The following KCNMB2 variants were observed in gnomAD, a reference collection of about 807,000 sequenced individuals.
KCNMB2 encodes the protein potassium calcium-activated channel subfamily M regulatory beta subunit 2.
KCNMB2 carries 9 observed loss-of-function variants against 24.5 expected under a neutral mutation model. That is an observed-to-expected ratio of 0.37 (90% confidence interval 0.22 to 0.64). The LOEUF (loss-of-function observed/expected upper bound fraction) is 0.64, where lower values mean the gene tolerates loss of function less well. Among genes scored for constraint, KCNMB2 ranks in the 30% least tolerant of loss-of-function variants. KCNMB2 has a pLI of 0.63. For synonymous variants in KCNMB2, 109 were observed against 104.4 expected (o/e 1.04, Z -0.27); for missense variants, 226 against 284.3 (o/e 0.79, Z 1.47).
At chr3:178,712,853 C>A (rs932799768) in intron 1 of KCNMB2, among the ~76,000 whole-genome samples, 3 of 152,146 alleles carry the variant, frequency 2.0e-5, no homozygotes, top group African/African-American at 4.8e-5. Context: ...ATTCTGTGAA[C>A]TTCGTAACAC....
At chr3:178,616,530 T>C (rs142533189) in intron 1 of KCNMB2, among the ~76,000 whole-genome samples, 69 of 152,346 alleles carry the variant, frequency 4.5e-4, no homozygotes, top group African/African-American at 1.6e-3. Flanking sequence ...ACCAAGCTGC[T>C]GCTGCCTGGG....
chr3:178,584,491 T>C (rs967171848), intron 1 of KCNMB2, among the ~76,000 whole-genome samples: 9 of 147,482 alleles, frequency 6.1e-5, no homozygotes, highest in African/African-American at 1.5e-4. Flanking sequence ...CACAGAGCTG[T>C]TGTGAAAAGT....
intron 2 of KCNMB2, 118 bp downstream of exon 2, chr3:178,807,583 C>A: frequency 1.2e-6 from 1 of 815,898 alleles, no homozygotes; most frequent in Non-Finnish European, 2.1e-6. Context: ...TGGGGACAGA[C>A]TCTACAGTAC....
chr3:178,780,053 T>TTA (rs1163492683), intron 1 of KCNMB2, among the ~76,000 whole-genome samples: 34 of 134,022 alleles, frequency 2.5e-4, no homozygotes, highest in African/African-American at 5.8e-4. Context: ...TTGTTTTTTT[T>TTA]AAAAAAAAAA....
At chr3:178,745,991 G>A (rs1478236904) in intron 1 of KCNMB2, among the ~76,000 whole-genome samples, 1 of 152,196 alleles carries the variant, frequency 6.6e-6, no homozygotes, top group Non-Finnish European at 1.5e-5. Context: ...GCCAGTGCAA[G>A]CTATCAGTGA....
Position 178,683,866 on chromosome 3 carries a change from G to C in KCNMB2, c.-67-123477G>C, listed in dbSNP as rs572577251. On this transcript the variant is annotated intron_variant, in intron 1 of 4. Coordinates refer to ENST00000452583, the MANE Select transcript of KCNMB2 (RefSeq NM_181361.3). ...CTTGTATCTTGTTGGTAGGAATGTA[G>C]ATAGGTGCAGCCATTATGAAGAACA... Among the ~76,000 whole-genome samples, 5 of 152,300 alleles carry C rather than the reference G, an allele frequency of 3.3e-5. No individual in the cohort carries two copies. The East Asian group carries it at 9.6e-4, about 29-fold the overall frequency.
chr3:178,717,615 G>T (rs903744215), intron 1 of KCNMB2, among the ~76,000 whole-genome samples: 1 of 152,148 alleles, frequency 6.6e-6, no homozygotes, highest in Non-Finnish European at 1.5e-5. Flanking sequence ...TCCTGGAATT[G>T]AAATAGCTTC....
chr3:178,615,668 G>A (rs950500386), intron 1 of KCNMB2, among the ~76,000 whole-genome samples: 4 of 152,146 alleles, frequency 2.6e-5, no homozygotes, highest in African/African-American at 9.7e-5. Flanking sequence ...ACCTGTCAGG[G>A]CAATGGGCTC....
chr3:178,719,818 A>G (rs977106940), intron 1 of KCNMB2, among the ~76,000 whole-genome samples: 2 of 152,146 alleles, frequency 1.3e-5, no homozygotes, highest in South Asian at 4.1e-4. Context: ...TATCACCACA[A>G]TCAGGATACA....
chr3:178,740,256 C>A (rs1284953748), intron 1 of KCNMB2, among the ~76,000 whole-genome samples: 1 of 151,892 alleles, frequency 6.6e-6, no homozygotes, highest in African/African-American at 2.4e-5. Context: ...GTAGCTGGGA[C>A]TACAGGCACC....
chr3:178,661,699 A>T (rs1231371055), intron 1 of KCNMB2, among the ~76,000 whole-genome samples: 1 of 152,194 alleles, frequency 6.6e-6, no homozygotes, highest in Non-Finnish European at 1.5e-5. Flanking sequence ...CATTAGAATT[A>T]CTTGGAAGCT....
At chr3:178,677,829 A>G (rs1721120867) in intron 1 of KCNMB2, among the ~76,000 whole-genome samples, 1 of 152,184 alleles carries the variant, frequency 6.6e-6, no homozygotes, top group African/African-American at 2.4e-5. Flanking sequence ...TTGGTCAAGT[A>G]TGCATATTCA....
intron 1 of KCNMB2, among the ~76,000 whole-genome samples, chr3:178,678,995 GTT>G (rs1443221052): frequency 6.9e-4 from 101 of 147,208 alleles, no homozygotes; most frequent in African/African-American, 2.2e-3. Flanking sequence ...GTTTGTTGTT[GTT>G]GTTGTCATTG....
rs1394740395 is a variant in KCNMB2 at position 178,765,889 on chromosome 3, A to G, written c.-67-41454A>G. The stretch of plus-strand genomic sequence containing the variant: ...ATGCCTTTGCTCTTACTTCTACCAG[A>G]AGATGGTGATTGTAAGATATGAACT... On this transcript the variant is annotated intron_variant, in intron 1 of 4. Coordinates refer to ENST00000452583, the MANE Select transcript of KCNMB2 (RefSeq NM_181361.3). Among the ~76,000 whole-genome samples, 5 of 152,208 alleles carry G rather than the reference A, an allele frequency of 3.3e-5. No homozygotes were observed. The East Asian group carries it at 9.6e-4, about 29-fold the overall frequency.
intron 1 of KCNMB2, among the ~76,000 whole-genome samples, chr3:178,783,050 T>A (rs892695742): frequency 2.0e-5 from 3 of 149,914 alleles, no homozygotes; most frequent in Non-Finnish European, 3.0e-5. Flanking sequence ...AAATAGGGAA[T>A]CCTTTCCCCA....
At chr3:178,633,481 TCA>T (rs1387298042) in intron 1 of KCNMB2, among the ~76,000 whole-genome samples, 1 of 152,234 alleles carries the variant, frequency 6.6e-6, no homozygotes, top group Non-Finnish European at 1.5e-5. Flanking sequence ...GGCTTGGGGC[TCA>T]CACCCTCTGA....
At chr3:178,619,132 A>G (rs1470907560) in intron 1 of KCNMB2, among the ~76,000 whole-genome samples, 5 of 152,214 alleles carry the variant, frequency 3.3e-5, no homozygotes, top group African/African-American at 9.7e-5. Context: ...TTCTGAGGAT[A>G]CAGAGTAGAG....
In KCNMB2 at chr3:178,730,411, C is replaced by CCCACA. The variant is rs576910377; in HGVS notation, c.-67-76931_-67-76930insCACAC. Among the ~76,000 whole-genome samples, 3 of 142,898 alleles carry CCCACA rather than the reference C, an allele frequency of 2.1e-5. No individual in the cohort carries two copies. In the East Asian group the frequency reaches 6.1e-4, roughly 29 times the overall value. The allele number at this position is 142,898 out of a possible 152,430, so 93.7% of individuals were successfully genotyped here. A position where few individuals can be genotyped will look rare whatever the true frequency, so the allele number is the denominator to read the frequency against. ...GTCACTACTGTCCCCCAACACCCCC[C>CCCACA]CACACACACACACACACACAAACAC... On this transcript the variant is annotated intron_variant, in intron 1 of 4. Coordinates refer to ENST00000452583, the MANE Select transcript of KCNMB2 (RefSeq NM_181361.3).
At chr3:178,758,256 C>A (rs369145867) in intron 1 of KCNMB2, among the ~76,000 whole-genome samples, 40 of 3,506 alleles carry the variant, frequency 0.011, 4 homozygotes, top group East Asian at 0.054. Context: ...ATATATATAT[C>A]TCCAAGGGGA....
Sources: gnomAD v4.1 joint callset for allele counts (sites outside exome capture counted in the v4.1 genomes callset) on GRCh38, gnomAD v4.1.1 for gene constraint, MANE v1.5 for transcripts, NCBI Gene and HGNC (gene_info 2026-07-23, HGNC 2026-07-21) for gene names.